The following RETREG1 variants were observed in gnomAD, a reference collection of about 807,000 sequenced individuals.
RETREG1 encodes family with sequence similarity 134 member B.
In RETREG1, 44 loss-of-function variants were observed where a neutral mutation model predicts 54.8. That is an observed-to-expected ratio of 0.80 (90% CI 0.63 to 1.03). The LOEUF (loss-of-function observed/expected upper bound fraction) is 1.03. Among genes scored for constraint, RETREG1 ranks in the 50% least tolerant of loss-of-function variants. The pLI, the probability that RETREG1 is intolerant of heterozygous loss-of-function variation, is 0.00. For synonymous variants in RETREG1, 217 were observed against 238.5 expected (o/e 0.91, Z 0.83); for missense variants, 554 against 605.1 (o/e 0.92, Z 0.89).
At chr5:16,568,149 T>A (rs182859530) in intron 2 of RETREG1, among the ~76,000 whole-genome samples, 3 of 151,664 alleles carry the variant, frequency 2.0e-5, no homozygotes, top group Non-Finnish European at 4.4e-5. Flanking sequence ...TCAAGGTACA[T>A]AACAATGACA....
At chr5:16,477,379 T>C (rs1472362312) in intron 8 of RETREG1, among the ~76,000 whole-genome samples, 2 of 152,166 alleles carry the variant, frequency 1.3e-5, no homozygotes, top group Admixed American at 6.5e-5. Flanking sequence ...CATCAGTCCA[T>C]AGCAGCCACT....
At chr5:16,538,046 G>C (rs1028810497) in intron 3 of RETREG1, among the ~76,000 whole-genome samples, 1 of 152,144 alleles carries the variant, frequency 6.6e-6, no homozygotes, top group East Asian at 1.9e-4. Flanking sequence ...GAGAAATGAT[G>C]TCTGCAAGGT....
At chr5:16,616,393 C>A in intron 1 of RETREG1, 1 of 542,486 alleles carries the variant, frequency 1.8e-6, no homozygotes, top group Non-Finnish European at 3.1e-6. Flanking sequence ...GTGCAGGTGC[C>A]TGAGGGTCGG....
chr5:16,600,357 G>T (rs557957983), intron 1 of RETREG1, among the ~76,000 whole-genome samples: 5 of 152,282 alleles, frequency 3.3e-5, no homozygotes, highest in South Asian at 4.2e-4. Context: ...ACCCAGCAAG[G>T]TCAGGAGAGA....
chr5:16,477,567 T>G, intron 8 of RETREG1, 95 bp downstream of exon 8: 1 of 1,088,270 alleles, frequency 9.2e-7, no homozygotes, highest in Non-Finnish European at 1.4e-6. Context: ...GTAGATATGG[T>G]GGTAACATGT....
At chr5:16,558,033 AT>A (rs906134498) in intron 3 of RETREG1, among the ~76,000 whole-genome samples, 34 of 152,114 alleles carry the variant, frequency 2.2e-4, no homozygotes, top group Middle Eastern at 3.4e-3. Context: ...AAAAAACAAA[AT>A]TTAAAAAAAG....
chr5:16,587,505 G>C (rs1244573654), intron 1 of RETREG1, among the ~76,000 whole-genome samples: 1 of 152,178 alleles, frequency 6.6e-6, no homozygotes, highest in African/African-American at 2.4e-5. Context: ...GTACCAGACT[G>C]TTCCAGAGAG....
chr5:16,567,805 A>G (rs1561123391), intron 2 of RETREG1, among the ~76,000 whole-genome samples: 1 of 152,076 alleles, frequency 6.6e-6, no homozygotes, highest in African/African-American at 2.4e-5. Flanking sequence ...AAAATTAAAA[A>G]AGAAAATTAG....
intron 5 of RETREG1, among the ~76,000 whole-genome samples, chr5:16,480,583 A>T (rs1472847936): frequency 6.6e-6 from 1 of 152,074 alleles, no homozygotes; most frequent in Non-Finnish European, 1.5e-5. Flanking sequence ...TGAGAATTCC[A>T]CTTGCTCTGC....
Position 16,565,910 on chromosome 5 carries a change from C to G in RETREG1, c.428-117G>C. 4 of 1,084,266 alleles carry G rather than the reference C, an allele frequency of 3.7e-6. No homozygotes were observed. The Admixed American group carries it at 6.0e-5, about 16-fold the overall frequency. 67.2% of individuals were successfully genotyped at this position (1,084,266 alleles called of 1,614,324 possible). On this transcript the variant is annotated intron_variant, in intron 2 of 8. Transcript: ENST00000306320. ...GTGGAATGCTCAGATCTCTAACACT[C>G]AGGACACCATCAAGTCATACAGTGT...
chr5:16,598,693 C>T (rs1383647466), intron 1 of RETREG1, among the ~76,000 whole-genome samples: 1 of 152,144 alleles, frequency 6.6e-6, no homozygotes, highest in East Asian at 1.9e-4. Context: ...TCATCTCTCC[C>T]AAGAGATTTT....
At chr5:16,611,408 A>G (rs74783150) in intron 1 of RETREG1, among the ~76,000 whole-genome samples, 8 of 152,170 alleles carry the variant, frequency 5.3e-5, no homozygotes, top group African/African-American at 1.9e-4. Flanking sequence ...AAAAAAAAAA[A>G]TCACATCAGA....
intron 3 of RETREG1, among the ~76,000 whole-genome samples, chr5:16,498,167 T>C (rs945997638): frequency 1.3e-5 from 2 of 152,202 alleles, no homozygotes; most frequent in African/African-American, 2.4e-5. Context: ...CATTTACCAA[T>C]GGGGATATGT....
chr5:16,544,787 A>G (rs1741343910), intron 3 of RETREG1, among the ~76,000 whole-genome samples: 1 of 152,148 alleles, frequency 6.6e-6, no homozygotes. Context: ...TATTTACTGC[A>G]CTGTCTTGAT....
At chr5:16,528,689 G>A (rs575843051) in intron 3 of RETREG1, among the ~76,000 whole-genome samples, 32 of 152,338 alleles carry the variant, frequency 2.1e-4, no homozygotes, top group African/African-American at 7.7e-4. Context: ...CCACTCACGT[G>A]AACACTATGC....
At chr5:16,576,487 TA>T (rs1394859730) in intron 1 of RETREG1, among the ~76,000 whole-genome samples, 59 of 151,926 alleles carry the variant, frequency 3.9e-4, no homozygotes, top group African/African-American at 1.4e-3. Flanking sequence ...TTTATTTATT[TA>T]TTTTTTTATT....
At chr5:16,569,877 AGAAGGTCAGGT>A (rs1310783766) in intron 2 of RETREG1, among the ~76,000 whole-genome samples, 1 of 152,234 alleles carries the variant, frequency 6.6e-6, no homozygotes, top group Non-Finnish European at 1.5e-5. Flanking sequence ...TAGACAGAAG[AGAAGGTCAGGT>A]GAGCATGAAA....
At chr5:16,605,989 T>C (rs939775921) in intron 1 of RETREG1, among the ~76,000 whole-genome samples, 1 of 152,160 alleles carries the variant, frequency 6.6e-6, no homozygotes, top group Middle Eastern at 3.2e-3. Flanking sequence ...AAAGATTTCC[T>C]AAACTACTTG....
At chr5:16,582,781 T>C (rs963686934) in intron 1 of RETREG1, among the ~76,000 whole-genome samples, 1 of 152,226 alleles carries the variant, frequency 6.6e-6, no homozygotes, top group Non-Finnish European at 1.5e-5. Flanking sequence ...AAAATTAGTC[T>C]GCACTGGCCG....
Sources: allele counts gnomAD v4.1 joint callset (sites outside exome capture counted in the v4.1 genomes callset), GRCh38; gene constraint gnomAD v4.1.1; transcripts MANE v1.5; gene names NCBI Gene and HGNC (gene_info 2026-07-23, HGNC 2026-07-21).